The following PTPRM variants were observed in gnomAD, a reference collection of about 807,000 sequenced individuals.
PTPRM encodes receptor-type tyrosine-protein phosphatase mu.
In PTPRM, 47 loss-of-function variants were observed where a neutral mutation model predicts 186.7. The observed-to-expected ratio is 0.25, with a 90% confidence interval of 0.20 to 0.32. The LOEUF is 0.32. Ranked by LOEUF, PTPRM falls within the 10% of genes least tolerant of loss-of-function variation. PTPRM has a pLI of 1.00. For synonymous variants in PTPRM, 668 were observed against 674.9 expected (o/e 0.99, Z 0.16); for missense variants, 1,494 against 1,865.0 (o/e 0.80, Z 3.66).
At chr18:8,244,503 A>G (rs1215313087) in intron 15 of PTPRM, among the ~76,000 whole-genome samples, 1 of 152,182 alleles carries the variant, frequency 6.6e-6, no homozygotes, top group Non-Finnish European at 1.5e-5. Context: ...CCTGCTTCTC[A>G]TCATCCTTCT....
intron 19 of PTPRM, among the ~76,000 whole-genome samples, chr18:8,283,858 C>T (rs1215464866): frequency 6.6e-6 from 1 of 152,068 alleles, no homozygotes; most frequent in African/African-American, 2.4e-5. Flanking sequence ...TGGCCTCAAG[C>T]AAGGCTTCTG....
chr18:7,818,494 C>A (rs2044980311), intron 2 of PTPRM, among the ~76,000 whole-genome samples: 1 of 152,138 alleles, frequency 6.6e-6, no homozygotes, highest in South Asian at 2.1e-4. Context: ...CTACTGGACT[C>A]TGAGGTTGTA....
intron 22 of PTPRM, among the ~76,000 whole-genome samples, chr18:8,333,664 A>T (rs16953299): frequency 6.6e-6 from 1 of 152,110 alleles, no homozygotes; most frequent in African/African-American, 2.4e-5. Flanking sequence ...TCCTGTAGCA[A>T]GAGCTTTAAA....
intron 22 of PTPRM, among the ~76,000 whole-genome samples, chr18:8,334,594 G>T (rs963703922): frequency 3.3e-5 from 5 of 152,210 alleles, no homozygotes; most frequent in African/African-American, 1.2e-4. Context: ...CAGCCATTTG[G>T]ATGCCCAGGG....
chr18:8,296,521 C>T, intron 20 of PTPRM, 66 bp downstream of exon 20: 1 of 1,204,900 alleles, frequency 8.3e-7, no homozygotes, highest in Non-Finnish European at 1.2e-6. Context: ...AGATTGACCA[C>T]CAGGCTCATA....
intron 2 of PTPRM, among the ~76,000 whole-genome samples, chr18:7,831,213 T>G (rs568305760): frequency 1.4e-4 from 21 of 152,270 alleles, no homozygotes; most frequent in African/African-American, 5.1e-4. Context: ...TCTTAAATAT[T>G]GCCAAAGATT....
intron 4 of PTPRM, among the ~76,000 whole-genome samples, chr18:7,916,408 A>C (rs1196758843): frequency 1.3e-5 from 2 of 152,232 alleles, no homozygotes; most frequent in Admixed American, 1.3e-4. Flanking sequence ...TTTCTCAAGA[A>C]AGATTATAGA....
chr18:8,258,367 C>G (rs1203060497), intron 19 of PTPRM, among the ~76,000 whole-genome samples: 3 of 152,138 alleles, frequency 2.0e-5, no homozygotes, highest in Non-Finnish European at 4.4e-5. Flanking sequence ...CCTTTCTCAG[C>G]TAGAGTTGAA....
At chr18:7,584,629 C>G (rs571967782) in intron 1 of PTPRM, among the ~76,000 whole-genome samples, 1 of 152,124 alleles carries the variant, frequency 6.6e-6, no homozygotes, top group Non-Finnish European at 1.5e-5. Context: ...TCTGGGTACC[C>G]CCACCCCAAG....
chr18:8,103,803 G>A (rs185682128), intron 11 of PTPRM, among the ~76,000 whole-genome samples: 17 of 152,020 alleles, frequency 1.1e-4, no homozygotes, highest in African/African-American at 2.2e-4. Flanking sequence ...CCTAGCTTTC[G>A]AACTGTCTTG....
intron 2 of PTPRM, among the ~76,000 whole-genome samples, chr18:7,877,715 T>G (rs983320764): frequency 6.6e-6 from 1 of 152,218 alleles, no homozygotes; most frequent in Admixed American, 6.5e-5. Context: ...AGAGCTTAGC[T>G]TTTCCTACCA....
intron 19 of PTPRM, among the ~76,000 whole-genome samples, chr18:8,259,618 A>G (rs1385524640): frequency 2.6e-5 from 4 of 151,756 alleles, no homozygotes; most frequent in Non-Finnish European, 5.9e-5. Context: ...AAAAATTATT[A>G]TTAAAATGTC....
intron 19 of PTPRM, among the ~76,000 whole-genome samples, chr18:8,289,569 T>TACAC: frequency 8.1e-6 from 1 of 123,988 alleles, no homozygotes; most frequent in South Asian, 2.9e-4. Flanking sequence ...TACACATATA[T>TACAC]ATATATACAT....
intron 1 of PTPRM, chr18:7,750,896 C>G (rs1040777438): frequency 6.6e-6 from 1 of 152,270 alleles, no homozygotes; most frequent in South Asian, 2.1e-4. Context: ...GGGGTAGGAA[C>G]AAGGATGCTG....
intron 29 of PTPRM, 144 bp downstream of exon 29, chr18:8,380,571 A>G (rs756196592): frequency 3.4e-5 from 33 of 972,424 alleles, no homozygotes; most frequent in Non-Finnish European, 4.6e-5. Context: ...GATGCTGAAC[A>G]CAACGGTTAA....
At chr18:7,770,927 G>C (rs1598612612) in intron 1 of PTPRM, among the ~76,000 whole-genome samples, 1 of 152,322 alleles carries the variant, frequency 6.6e-6, no homozygotes, top group African/African-American at 2.4e-5. Flanking sequence ...GAAATTCATA[G>C]TTGATCCCAT....
chr18:8,074,243 A>G (rs1226520012), intron 8 of PTPRM, among the ~76,000 whole-genome samples: 1 of 152,196 alleles, frequency 6.6e-6, no homozygotes, highest in African/African-American at 2.4e-5. Flanking sequence ...CTCACAATCT[A>G]AAACATTTTT....
chr18:7,842,947 T>TATGG (rs370746043), intron 2 of PTPRM, among the ~76,000 whole-genome samples: 4 of 112,118 alleles, frequency 3.6e-5, no homozygotes, highest in African/African-American at 1.7e-4. Context: ...TATATATATA[T>TATGG]AGAGAGAGAG....
chr18:7,736,952 G>T (rs1598464764), intron 1 of PTPRM, among the ~76,000 whole-genome samples: 1 of 152,112 alleles, frequency 6.6e-6, no homozygotes, highest in African/African-American at 2.4e-5. Context: ...TTACAGGCTT[G>T]TGTCACCGTG....
Sources: gnomAD v4.1 joint callset for allele counts (sites outside exome capture counted in the v4.1 genomes callset) on GRCh38, gnomAD v4.1.1 for gene constraint, MANE v1.5 for transcripts, NCBI Gene and HGNC (gene_info 2026-07-23, HGNC 2026-07-21) for gene names.